The following THSD7A variants were observed in gnomAD, a reference collection of about 807,000 sequenced individuals.
THSD7A encodes thrombospondin type-1 domain-containing protein 7A.
THSD7A carries 96 observed loss-of-function variants against 231.3 expected under a neutral mutation model. That is an observed-to-expected ratio of 0.41 (90% CI 0.35 to 0.49). THSD7A has a LOEUF of 0.49. Among genes scored for constraint, THSD7A ranks in the 20% least tolerant of loss-of-function variants. The pLI is 0.05. For synonymous variants in THSD7A, 940 were observed against 743.3 expected (o/e 1.26, Z -4.30); for missense variants, 2,290 against 2,070.2 (o/e 1.11, Z -2.06).
intron 4 of THSD7A, among the ~76,000 whole-genome samples, chr7:11,564,477 A>G (rs1790219437): frequency 6.6e-6 from 1 of 152,198 alleles, no homozygotes; most frequent in Non-Finnish European, 1.5e-5. Flanking sequence ...CTTCCAAGCT[A>G]GGATGCCAGT....
intron 2 of THSD7A, among the ~76,000 whole-genome samples, chr7:11,602,100 T>C (rs903238235): frequency 3.3e-5 from 5 of 152,188 alleles, no homozygotes; most frequent in South Asian, 2.1e-4. Context: ...GTACTATCTA[T>C]GCACTTTGCA....
At chr7:11,696,537 T>C (rs1315985143) in intron 1 of THSD7A, among the ~76,000 whole-genome samples, 1 of 151,196 alleles carries the variant, frequency 6.6e-6, no homozygotes, top group Non-Finnish European at 1.5e-5. Flanking sequence ...ATCATCTAGG[T>C]TTTAAGCCCT....
intron 2 of THSD7A, among the ~76,000 whole-genome samples, chr7:11,624,921 C>A (rs1451949639): frequency 6.6e-6 from 1 of 151,948 alleles, no homozygotes; most frequent in Non-Finnish European, 1.5e-5. Context: ...TATATGGGAT[C>A]CTTGATAGAT....
intron 1 of THSD7A, among the ~76,000 whole-genome samples, chr7:11,786,775 A>AG (rs985728595): frequency 4.2e-4 from 62 of 148,600 alleles, no homozygotes; most frequent in African/African-American, 8.2e-4. Context: ...AAAAAAAAAA[A>AG]AAAAAGAAAA....
intron 1 of THSD7A, among the ~76,000 whole-genome samples, chr7:11,747,560 A>C (rs897293412): frequency 1.3e-5 from 2 of 151,966 alleles, no homozygotes; most frequent in Non-Finnish European, 2.9e-5. Flanking sequence ...TTTTATGTCT[A>C]GTACAGTACA....
At chr7:11,822,037 C>T (rs954242517) in intron 1 of THSD7A, among the ~76,000 whole-genome samples, 2 of 152,140 alleles carry the variant, frequency 1.3e-5, no homozygotes, top group African/African-American at 4.8e-5. Flanking sequence ...TTCCCTCACC[C>T]TTTCCCAATA....
chr7:11,729,818 T>A (rs1781667650), intron 1 of THSD7A, among the ~76,000 whole-genome samples: 1 of 151,792 alleles, frequency 6.6e-6, no homozygotes, highest in South Asian at 2.1e-4. Flanking sequence ...GAAGTACCCA[T>A]GGATACCATG....
intron 6 of THSD7A, among the ~76,000 whole-genome samples, chr7:11,490,617 A>G (rs549701728): frequency 6.6e-6 from 1 of 152,182 alleles, no homozygotes; most frequent in East Asian, 1.9e-4. Flanking sequence ...GGTGTGAAAA[A>G]TGTTTTATTC....
chr7:11,791,823 T>G (rs746196332), intron 1 of THSD7A, among the ~76,000 whole-genome samples: 11 of 151,960 alleles, frequency 7.2e-5, no homozygotes, highest in Non-Finnish European at 1.6e-4. Flanking sequence ...CTCCATTTCC[T>G]TTCTTTGGAT....
At chr7:11,598,690 G>A (rs955536274) in intron 2 of THSD7A, among the ~76,000 whole-genome samples, 7 of 152,124 alleles carry the variant, frequency 4.6e-5, no homozygotes, top group African/African-American at 1.2e-4. Flanking sequence ...GCAATATATG[G>A]TACTCTTTCT....
chr7:11,577,707 G>C lies in THSD7A; in HGVS notation c.1453+12753C>G, dbSNP rs574625108. 5.9e-5 allele frequency among the ~76,000 whole-genome samples: 9 copies of C among 151,462 alleles called. No individual in the cohort carries two copies. In the East Asian group the frequency reaches 1.7e-3, roughly 29 times the overall value. On this transcript the variant is annotated intron_variant, in intron 4 of 27. Coordinates refer to ENST00000423059, the MANE Select transcript of THSD7A (RefSeq NM_015204.3). The stretch of plus-strand genomic sequence containing the variant: ...TTCCCAGGCATAAAGCTCCCTATCT[G>C]GGCATTTTAGATCCCCAGAAATCCT...
chr7:11,401,792 C>G lies in THSD7A; in HGVS notation c.4411+3G>C. The G allele has an allele frequency of 6.2e-7, 1 of 1,611,230 alleles. No homozygotes were observed. Among genetic ancestry groups the G allele is most frequent in the Non-Finnish European group, 8.5e-7 (1 of 1,178,730 alleles). The stretch of plus-strand genomic sequence containing the variant: ...GATAGAGTATATGAACGGTAGCACT[C>G]ACCATAACATGATTTTGTTTCTAAC... On this transcript the variant is annotated splice_donor_region_variant and intron_variant, in intron 23 of 27. Coordinates refer to ENST00000423059, the MANE Select transcript of THSD7A (RefSeq NM_015204.3).
chr7:11,703,041 C>T (rs1474518415), intron 1 of THSD7A, among the ~76,000 whole-genome samples: 3 of 151,120 alleles, frequency 2.0e-5, no homozygotes, highest in Non-Finnish European at 3.0e-5. Flanking sequence ...GCAACATGCT[C>T]AAAGCTAAGT....
intron 6 of THSD7A, among the ~76,000 whole-genome samples, chr7:11,537,564 C>A (rs1031281830): frequency 6.6e-6 from 1 of 152,122 alleles, no homozygotes; most frequent in Non-Finnish European, 1.5e-5. Flanking sequence ...TAGCCTTCCA[C>A]CATGAGTAAA....
intron 6 of THSD7A, among the ~76,000 whole-genome samples, chr7:11,521,984 A>G (rs1434890533): frequency 6.6e-6 from 1 of 152,190 alleles, no homozygotes; most frequent in Non-Finnish European, 1.5e-5. Context: ...TTCCTGATAT[A>G]GGATTGAGCT....
At chr7:11,448,895 C>G (rs1201420737) in intron 11 of THSD7A, among the ~76,000 whole-genome samples, 1 of 151,978 alleles carries the variant, frequency 6.6e-6, no homozygotes, top group African/African-American at 2.4e-5. Context: ...ACAGGGGCCC[C>G]TAAATTTTTA....
At chr7:11,707,855 A>T (rs1562492180) in intron 1 of THSD7A, among the ~76,000 whole-genome samples, 1 of 150,894 alleles carries the variant, frequency 6.6e-6, no homozygotes, top group African/African-American at 2.4e-5. Flanking sequence ...ATTTTATTCA[A>T]GGATCTCTAT....
At chr7:11,506,453 G>C (rs915651990) in intron 6 of THSD7A, among the ~76,000 whole-genome samples, 1 of 152,136 alleles carries the variant, frequency 6.6e-6, no homozygotes, top group African/African-American at 2.4e-5. Flanking sequence ...TCACTTTCCA[G>C]ATTCTGCCTT....
intron 1 of THSD7A, among the ~76,000 whole-genome samples, chr7:11,676,295 C>A (rs1784555336): frequency 6.6e-6 from 1 of 152,072 alleles, no homozygotes; most frequent in African/African-American, 2.4e-5. Context: ...TAGATAAATC[C>A]ATGAAGATGA....
Sources: gnomAD v4.1 joint callset for allele counts (sites outside exome capture counted in the v4.1 genomes callset) on GRCh38, gnomAD v4.1.1 for gene constraint, MANE v1.5 for transcripts, NCBI Gene and HGNC (gene_info 2026-07-23, HGNC 2026-07-21) for gene names.